The following CHRNB4 variants were observed in gnomAD, a reference collection of about 807,000 sequenced individuals.
CHRNB4 encodes cholinergic receptor nicotinic beta 4 subunit.
In CHRNB4, 23 loss-of-function variants were observed where a neutral mutation model predicts 40.4. The observed-to-expected ratio is 0.57, with a 90% CI of 0.41 to 0.81. The LOEUF is 0.81. CHRNB4 is among the 30% of genes least tolerant of loss of function. CHRNB4 has a pLI of 0.00. For synonymous variants in CHRNB4, 285 were observed against 274.4 expected (o/e 1.04, Z -0.38); for missense variants, 568 against 670.6 (o/e 0.85, Z 1.69).
chr15:78,632,546 A>C (rs893848170), intron 2 of CHRNB4, among the ~76,000 whole-genome samples: 1 of 151,986 alleles, frequency 6.6e-6, no homozygotes, highest in African/African-American at 2.4e-5. Context: ...CCTGAGCTAA[A>C]GTGATCCATG....
At chr15:78,658,001 T>C (rs1158235807) in intron 2 of CHRNB4, among the ~76,000 whole-genome samples, 3 of 150,182 alleles carry the variant, frequency 2.0e-5, no homozygotes, top group Non-Finnish European at 3.0e-5. Context: ...ATATCATTAT[T>C]CCTCACAATG....
At chr15:78,626,341 G>GGTGTGTGTGTGTGTGTGTGTGT (rs747140868) in intron 5 of CHRNB4, 2 of 74,404 alleles carry the variant, frequency 2.7e-5, no homozygotes, top group African/African-American at 1.0e-4. Flanking sequence ...TTCAAGCGGG[G>GGTGTGTGTGTGTGTGTGTGTGT]GTGTGTGTGT....
At chr15:78,655,664 C>G (rs993360733) in intron 4 of CHRNB4, 1 of 151,962 alleles carries the variant, frequency 6.6e-6, no homozygotes, top group African/African-American at 2.4e-5. Flanking sequence ...GAGCGAGACC[C>G]TGTTTCAAAA....
chr15:78,630,555 G>T (rs2053782828), intron 4 of CHRNB4, among the ~76,000 whole-genome samples: 1 of 152,174 alleles, frequency 6.6e-6, no homozygotes, highest in Non-Finnish European at 1.5e-5. Flanking sequence ...GCCCAAAGAG[G>T]TTAAGTGACT....
intron 1 of CHRNB4, among the ~76,000 whole-genome samples, chr15:78,659,316 C>A (rs1427603406): frequency 6.6e-6 from 1 of 152,118 alleles, no homozygotes; most frequent in African/African-American, 2.4e-5. Flanking sequence ...TGCCTGTAGT[C>A]CCAGCTACTC....
chr15:78,640,943 G>A (rs2054058283), intron 1 of CHRNB4, 136 bp downstream of exon 1: 4 of 1,004,684 alleles, frequency 4.0e-6, no homozygotes, highest in East Asian at 3.1e-5. Flanking sequence ...CCCTGCCCAC[G>A]CCCCCATCTG....
At chr15:78,625,511 T>C (rs138059852) in intron 5 of CHRNB4, among the ~76,000 whole-genome samples, 25 of 152,096 alleles carry the variant, frequency 1.6e-4, no homozygotes, top group Non-Finnish European at 3.4e-4. Flanking sequence ...CCCCACAGCG[T>C]TGGAGGGGCA....
Position 78,625,225 on chromosome 15 carries a change from C to T in CHRNB4, c.1405G>A (p.Val469Met). The T allele has an allele frequency of 6.3e-7, 1 of 1,590,522 alleles. No homozygotes were observed. The highest frequency in any genetic ancestry group is 8.6e-7 in the Non-Finnish European group (1 of 1,168,880). ...DRLFLWVFMF[V>M]CVLGTVGLFL... ...AGCCCCACAGTGCCCAGGACGCACA[C>T]AAACATGAACACCCACAGGAACAGC... The change falls in exon 6 of 6, where the codon GTG becomes ATG. Residue 469 changes from valine to methionine, a missense_variant. Coordinates refer to ENST00000261751, the MANE Select transcript of CHRNB4 (RefSeq NM_000750.5).
upstream of CHRNB4, chr15:78,661,450 T>G (rs574553622): frequency 1.4e-5 from 7 of 514,360 alleles, no homozygotes; most frequent in East Asian, 3.2e-4. Context: ...GTGCGACTCA[T>G]AAACAGCCTC....
chr15:78,629,646 A>T lies in CHRNB4; in HGVS notation c.659T>A (p.Val220Glu). 6.2e-7 allele frequency: 1 copy of T among 1,614,098 alleles called. No homozygotes were observed. Among genetic ancestry groups the T allele is most frequent in the Non-Finnish European group, 8.5e-7 (1 of 1,180,012 alleles). The change falls in exon 5 of 6, where the codon GTG (valine) becomes GAG (glutamate). Residue 220 changes from valine to glutamate, a missense_variant. Around this residue, in one of 4 missense-constraint regions of CHRNB4, gnomAD observed 127 missense variants for 167.4 expected, o/e 0.76. Transcript: ENST00000261751. The surrounding 1 kb of genome is among the most constrained non-coding windows in gnomAD (Gnocchi z 6.8). Reference sequence around the variant, plus strand: ...GATGATGAAGTCGTAAGTCACGTCCACGTAGCTGGGGTCTTGTGGGTTCAC... The same window carrying T: ...GATGATGAAGTCGTAAGTCACGTCCTCGTAGCTGGGGTCTTGTGGGTTCAC... Reference protein sequence around the residue: ...RTVNPQDPSYVDVTYDFIIKR... With the variant: ...RTVNPQDPSYEDVTYDFIIKR...
chr15:78,643,926 G>T (rs2054102200), upstream of CHRNB4, among the ~76,000 whole-genome samples: 1 of 150,926 alleles, frequency 6.6e-6, no homozygotes, highest in South Asian at 2.1e-4. Context: ...GAGGCGGGCG[G>T]ATCACGATGT....
chr15:78,640,803 GCCCACA>G (rs2054054403), intron 1 of CHRNB4, among the ~76,000 whole-genome samples: 2 of 152,220 alleles, frequency 1.3e-5, no homozygotes, highest in Admixed American at 6.5e-5. Flanking sequence ...CCACTGCCCA[GCCCACA>G]GACACTCGCC....
At chr15:78,640,625 C>T (rs1210992627) in intron 1 of CHRNB4, among the ~76,000 whole-genome samples, 2 of 152,224 alleles carry the variant, frequency 1.3e-5, no homozygotes, top group Admixed American at 1.3e-4. Context: ...CGCTCCCAAG[C>T]GCCTACACCG....
At chr15:78,653,386 C>T (rs762531269) in intron 5 of CHRNB4, among the ~76,000 whole-genome samples, 13 of 152,154 alleles carry the variant, frequency 8.5e-5, no homozygotes, top group Admixed American at 5.2e-4. Flanking sequence ...TTGGAAAAGC[C>T]GGCCCTGATT....
rs201246756 is a variant in CHRNB4 at position 78,628,919 on chromosome 15, T to C, written c.1338+48A>G. ...GAAGTGGGAAGCTGGTGCTACTATC[T>C]GAGCCCTTTCTGTTGGGCAGGTGGG... On this transcript the variant is annotated intron_variant, in intron 5 of 5. Transcript: ENST00000261751. 33 of 1,567,258 alleles carry C rather than the reference T, an allele frequency of 2.1e-5. No homozygotes were observed. The African/African-American group carries it at 3.9e-4, about 19-fold the overall frequency.
At chr15:78,642,595 G>C (rs192782497), upstream of CHRNB4, among the ~76,000 whole-genome samples, 3 of 152,200 alleles carry the variant, frequency 2.0e-5, no homozygotes, top group African/African-American at 4.8e-5. Context: ...TGGCTTTATC[G>C]GATGTGTACA....
intron 5 of CHRNB4, among the ~76,000 whole-genome samples, chr15:78,625,594 C>CA (rs2053634020): frequency 6.6e-6 from 1 of 152,144 alleles, no homozygotes; most frequent in African/African-American, 2.4e-5. Flanking sequence ...GATTTGAAAA[C>CA]AAAATCTGGT....
chr15:78,646,466 GT>G (rs1447833474), intron 7 of CHRNB4, among the ~76,000 whole-genome samples: 3 of 152,210 alleles, frequency 2.0e-5, no homozygotes, highest in South Asian at 4.1e-4. Context: ...GTGTCTTAGT[GT>G]GGGCTGCTCT....
At chr15:78,627,552 G>C (rs1349714071) in intron 5 of CHRNB4, 1 of 152,212 alleles carries the variant, frequency 6.6e-6, no homozygotes, top group Non-Finnish European at 1.5e-5. Flanking sequence ...CGAGTGGAAA[G>C]CAATCTCAAA....
Sources: gnomAD v4.1 joint callset for allele counts (sites outside exome capture counted in the v4.1 genomes callset) on GRCh38, gnomAD v4.1.1 for gene constraint, gnomAD v4.1.1 regional missense constraint, Gnocchi (gnomAD v3.1) non-coding constraint, MANE v1.5 for transcripts, NCBI Gene and HGNC (gene_info 2026-07-23, HGNC 2026-07-21) for gene names.